Variants in ENPP4 observed in about 807,000 individuals in gnomAD.
ENPP4 encodes bis(5'-adenosyl)-triphosphatase ENPP4.
In ENPP4, 18 loss-of-function variants were observed where a neutral mutation model predicts 33.4. The observed-to-expected ratio is 0.54, with a 90% CI of 0.37 to 0.80. The LOEUF is 0.80. Among genes scored for constraint, ENPP4 ranks in the 30% least tolerant of loss-of-function variants. ENPP4 has a pLI of 0.00. For synonymous variants in ENPP4, 172 were observed against 189.9 expected (o/e 0.91, Z 0.78); for missense variants, 480 against 541.7 (o/e 0.89, Z 1.13).
In ENPP4 at chr6:46,141,099, A is replaced by G. The variant is rs747051378; in HGVS notation, c.874A>G (p.Asn292Asp). Residue 292 changes from asparagine to aspartate, a missense_variant, in exon 3 of 4, where the codon AAT (asparagine) becomes GAT (aspartate). Around this residue, in one of 3 missense-constraint regions of ENPP4, gnomAD observed 249 missense variants for 251.8 expected, o/e 0.99. Transcript: ENST00000321037. Reference sequence around the variant, plus strand: ...ACTGAAAAACTGTAGCCCTCATATGAATGTTTATCTCAAAGAAGACATTCC... The same window carrying G: ...ACTGAAAAACTGTAGCCCTCATATGGATGTTTATCTCAAAGAAGACATTCC... ...NKLKNCSPHM[N>D]VYLKEDIPNR... The G allele has an allele frequency of 8.7e-6, 14 of 1,607,170 alleles. No individual in the cohort carries two copies. Among genetic ancestry groups the G allele is most frequent in the Non-Finnish European group, 9.4e-6 (11 of 1,175,072 alleles).
chr6:46,145,592 T>C lies in ENPP4; in HGVS notation c.*1952T>C, dbSNP rs1330342824. On this transcript the variant is annotated 3_prime_UTR_variant, in exon 4 of 4. Coordinates refer to ENST00000321037, the MANE Select transcript of ENPP4 (RefSeq NM_014936.5). ...AAATAGTAGCAGAATATTTTATACT[T>C]GGTCCTTGCAATGGTGTGAGTTTTA... 1 of 151,854 alleles carries C rather than the reference T, an allele frequency of 6.6e-6. No homozygotes were observed. Among genetic ancestry groups the C allele is most frequent in the Non-Finnish European group, 1.5e-5 (1 of 67,846 alleles). The allele number at this position is 151,854 out of a possible 1,614,324, so 9.4% of individuals were successfully genotyped here. A position where few individuals can be genotyped will look rare whatever the true frequency, so the allele number is the denominator to read the frequency against.
In ENPP4 at chr6:46,146,383, AGCT is replaced by A. The variant is rs1303716260; in HGVS notation, c.*2744_*2746del. ...CTCCTTCTTGTGCCCATATCTGATA[AGCT>A]TTATGGATTATTGCATTTAATTCCT... On this transcript the variant is annotated 3_prime_UTR_variant, in exon 4 of 4. Coordinates refer to ENST00000321037, the MANE Select transcript of ENPP4 (RefSeq NM_014936.5). The A allele has an allele frequency of 6.6e-6, 1 of 152,274 alleles. No homozygotes were observed. The highest frequency in any genetic ancestry group is 2.4e-5 in the African/African-American group (1 of 41,384). 9.4% of individuals were successfully genotyped at this position (152,274 alleles called of 1,614,324 possible). A position where few individuals can be genotyped will look rare whatever the true frequency, so the allele number is the denominator to read the frequency against.
intron 2 of ENPP4, 31 bp downstream of exon 2, chr6:46,140,440 T>C: frequency 7.5e-7 from 1 of 1,336,518 alleles, no homozygotes; most frequent in Non-Finnish European, 1.0e-6. Flanking sequence ...GGGATACTAT[T>C]ATTCGAATGG....
rs1309670766 is a variant in ENPP4, at chr6:46,144,814, A to AT, written c.*1176dup. ...TTAGTATCTTTTGGTCTTTCACACC[A>AT]TTCATATGTTAAGTGGCAGAATAGC... is the stretch of plus-strand genomic sequence containing the variant. On this transcript the variant is annotated 3_prime_UTR_variant, in exon 4 of 4. Transcript: ENST00000321037. 1.0e-5 allele frequency: 4 copies of AT among 391,644 alleles called. No homozygotes were observed. Among genetic ancestry groups the AT allele is most frequent in the Non-Finnish European group, 1.8e-5 (4 of 221,384 alleles). 24.3% of individuals were successfully genotyped at this position (391,644 alleles called of 1,614,324 possible).
At chr6:46,137,624 G>A (rs984608906) in intron 1 of ENPP4, among the ~76,000 whole-genome samples, 5 of 151,916 alleles carry the variant, frequency 3.3e-5, no homozygotes, top group African/African-American at 1.2e-4. Flanking sequence ...GACTAGGGCT[G>A]TGTCTGTGGA....
rs750404438 is a variant in ENPP4, at chr6:46,143,623, G to A, written c.1345G>A (p.Asp449Asn). The change falls in exon 4 of 4, where the codon GAT becomes AAT. Residue 449 changes from aspartate to asparagine, a missense_variant. Asp to Asn is a conservative substitution (Grantham distance 23). This residue lies in a region of ENPP4 where 249 missense variants were observed against 251.8 expected (regional missense o/e 0.99). Coordinates refer to ENST00000321037, the MANE Select transcript of ENPP4 (RefSeq NM_014936.5). ...ACTTCAGCTACAAGAAGATGATGAT[G>A]ATCCTTTAATTGGGTGACATGTGCT... ...SRLQLQEDDDDPLIG is the reference protein window; with the variant it reads ...SRLQLQEDDDNPLIG 1 of 1,610,130 alleles carries A rather than the reference G, an allele frequency of 6.2e-7. No homozygotes were observed. Among genetic ancestry groups the A allele is most frequent in the Non-Finnish European group, 8.5e-7 (1 of 1,177,534 alleles).
At position 46,140,369 on chromosome 6, in the gene ENPP4, T is replaced by G; in HGVS notation, c.786T>G (p.Leu262=). The G allele has an allele frequency of 6.3e-7, 1 of 1,597,408 alleles. No individual in the cohort carries two copies. The highest frequency in any genetic ancestry group is 8.5e-7 in the Non-Finnish European group (1 of 1,174,258). ...GCATCGATCATTCATACTACACTCTTATAGATTTGAGCCCAGTTGCTGCAA... is the reference window on the plus strand; with the variant it reads ...GCATCGATCATTCATACTACACTCTGATAGATTTGAGCCCAGTTGCTGCAA... ...DSCIDHSYYT[L]IDLSPVAAIL... is the part of the protein sequence containing the mutation. Residue 262 remains leucine, a synonymous_variant, in exon 2 of 4, where the codon CTT becomes CTG. Transcript: ENST00000321037.
In ENPP4 at chr6:46,143,754, C is replaced by A; in HGVS notation, c.*114C>A. 1 of 1,070,022 alleles carries A rather than the reference C, an allele frequency of 9.3e-7. No homozygotes were observed. Among genetic ancestry groups the A allele is most frequent in the Non-Finnish European group, 1.3e-6 (1 of 743,100 alleles). 66.3% of individuals were successfully genotyped at this position (1,070,022 alleles called of 1,614,324 possible). A position where few individuals can be genotyped will look rare whatever the true frequency, so the allele number is the denominator to read the frequency against. Reference sequence around the variant, plus strand: ...TACTTTGAAAGACAAAGAACTTAGACTAAGCATGTTAAAATTATTACTTTG... The same window carrying A: ...TACTTTGAAAGACAAAGAACTTAGAATAAGCATGTTAAAATTATTACTTTG... On this transcript the variant is annotated 3_prime_UTR_variant, in exon 4 of 4. Transcript: ENST00000321037.
At chr6:46,130,400 G>A (rs1305872274) in intron 1 of ENPP4, among the ~76,000 whole-genome samples, 1 of 152,238 alleles carries the variant, frequency 6.6e-6, no homozygotes, top group African/African-American at 2.4e-5. Context: ...GCCAGGAAGG[G>A]AAGAGGAAAG....
chr6:46,138,982 T>C (rs1764015647), intron 1 of ENPP4, among the ~76,000 whole-genome samples: 1 of 151,868 alleles, frequency 6.6e-6, no homozygotes, highest in African/African-American at 2.4e-5. Context: ...CATGTGACTA[T>C]TGGGGCACAT....
chr6:46,134,744 T>C (rs1047013634), intron 1 of ENPP4, among the ~76,000 whole-genome samples: 32 of 152,124 alleles, frequency 2.1e-4, no homozygotes, highest in African/African-American at 7.7e-4. Flanking sequence ...TCACTCATTT[T>C]AAGAGTACTG....
rs941979165 is a variant in ENPP4, at chr6:46,145,680, A to G, written c.*2040A>G. On this transcript the variant is annotated 3_prime_UTR_variant, in exon 4 of 4. Coordinates refer to ENST00000321037, the MANE Select transcript of ENPP4 (RefSeq NM_014936.5). The stretch of plus-strand genomic sequence containing the variant: ...GAAATCTATACTTGGCATCCAACTC[A>G]TGAGTGGATTTTATATAGGATGGAA... 3 of 151,816 alleles carry G rather than the reference A, an allele frequency of 2.0e-5. No individual in the cohort carries two copies. Among genetic ancestry groups the G allele is most frequent in the African/African-American group, 7.2e-5 (3 of 41,392 alleles). 9.4% of individuals were successfully genotyped at this position (151,816 alleles called of 1,614,324 possible).
chr6:46,140,047 A>G lies in ENPP4; in HGVS notation c.464A>G (p.Asn155Ser). ...ATCTCTTCCTATTTTATGAATTACA[A>G]CTCCTCAGTGTCATTTGAGGAAAGA... Reference protein sequence around the residue: ...DTISSYFMNYNSSVSFEERLN... With the variant: ...DTISSYFMNYSSSVSFEERLN... Residue 155 changes from asparagine to serine, a missense_variant, in exon 2 of 4, where the codon AAC (asparagine) becomes AGC (serine). Physicochemically the swap from Asn to Ser is conservative, Grantham distance 46. Coordinates refer to ENST00000321037, the MANE Select transcript of ENPP4 (RefSeq NM_014936.5). 1 of 1,611,952 alleles carries G rather than the reference A, an allele frequency of 6.2e-7. No homozygotes were observed. The highest frequency in any genetic ancestry group is 8.5e-7 in the Non-Finnish European group (1 of 1,178,552).
At chr6:46,132,980 T>C (rs1295687255) in intron 1 of ENPP4, among the ~76,000 whole-genome samples, 1 of 152,088 alleles carries the variant, frequency 6.6e-6, no homozygotes, top group Non-Finnish European at 1.5e-5. Flanking sequence ...AGAATGCTTG[T>C]GATTTTTGCA....
chr6:46,135,701 C>T (rs1763965664), intron 1 of ENPP4, among the ~76,000 whole-genome samples: 1 of 151,928 alleles, frequency 6.6e-6, no homozygotes, highest in Non-Finnish European at 1.5e-5. Flanking sequence ...GTCACTTGTG[C>T]TCTTGGTGTG....
At chr6:46,136,559 T>A (rs1182107744) in intron 1 of ENPP4, among the ~76,000 whole-genome samples, 1 of 152,038 alleles carries the variant, frequency 6.6e-6, no homozygotes, top group Admixed American at 6.6e-5. Context: ...TGGCAGTTAT[T>A]TCTGTATTTA....
intron 3 of ENPP4, 128 bp downstream of exon 3, chr6:46,141,350 G>C: frequency 1.6e-6 from 1 of 608,274 alleles, no homozygotes; most frequent in Non-Finnish European, 2.8e-6. Flanking sequence ...TTTTCAACCA[G>C]ATAATTCCCA....
rs1764029995 is a variant in ENPP4, at chr6:46,139,862, G to A, written c.279G>A (p.Met93Ile). ...GCCATGGCATTGTGGCTAATTCCAT[G>A]TATGATGCAGTCACAAAGAAACACT... ...EESHGIVANS[M>I]YDAVTKKHFS... is the part of the protein sequence containing the mutation. The change falls in exon 2 of 4, where the codon ATG (methionine) becomes ATA (isoleucine). Residue 93 changes from methionine (M) to isoleucine (I), a missense_variant. By Grantham distance (10) the Met-to-Ile change is conservative. Coordinates refer to ENST00000321037, the MANE Select transcript of ENPP4 (RefSeq NM_014936.5). The A allele has an allele frequency of 6.2e-7, 1 of 1,612,728 alleles. No homozygotes were observed. The highest frequency in any genetic ancestry group is 2.2e-5 in the East Asian group (1 of 44,864).
In ENPP4 at chr6:46,141,210, T is replaced by C; in HGVS notation, c.985T>C (p.Ser329Pro). The change falls in exon 3 of 4, where the codon TCA becomes CCA. Residue 329 changes from serine (S) to proline (P), a missense_variant. Physicochemically the swap from Ser to Pro is moderately conservative, Grantham distance 74. Coordinates refer to ENST00000321037, the MANE Select transcript of ENPP4 (RefSeq NM_014936.5). ...DEGWTIVLNESSQKLGDHGYD... is the reference protein window; with the variant it reads ...DEGWTIVLNEPSQKLGDHGYD... ...AGGCTGGACAATTGTGCTAAATGAA[T>C]CATCACAAAAATGTAAGTATTTAGT... 6.2e-7 allele frequency: 1 copy of C among 1,606,694 alleles called. No homozygotes were observed. The highest frequency in any genetic ancestry group is 8.5e-7 in the Non-Finnish European group (1 of 1,175,354).
Sources: allele counts gnomAD v4.1 joint callset (sites outside exome capture counted in the v4.1 genomes callset), GRCh38; gene constraint gnomAD v4.1.1; regional missense constraint gnomAD v4.1.1; transcripts MANE v1.5; gene names NCBI Gene and HGNC (gene_info 2026-07-23, HGNC 2026-07-21).